The following WWTR1 variants were observed in gnomAD, a reference collection of about 807,000 sequenced individuals.
WWTR1 encodes WW domain-containing transcription regulator protein 1.
WWTR1 carries 13 observed loss-of-function variants against 40.1 expected under a neutral mutation model. The ratio of observed to expected loss-of-function variants is 0.32; its 90% CI spans 0.21 to 0.52. WWTR1 has a LOEUF of 0.52. Among genes scored for constraint, WWTR1 ranks in the 20% least tolerant of loss-of-function variants. The pLI, the probability that WWTR1 is intolerant of heterozygous loss-of-function variation, is 0.97. For missense variants in WWTR1, 436 were observed against 523.1 expected (o/e 0.83, Z 1.63); for synonymous variants, 230 against 210.1 (o/e 1.09, Z -0.82).
At chr3:149,628,652 C>A (rs1057468845) in intron 2 of WWTR1, among the ~76,000 whole-genome samples, 2 of 151,740 alleles carry the variant, frequency 1.3e-5, no homozygotes, top group African/African-American at 4.9e-5. Flanking sequence ...TAGCTCAAGT[C>A]CAGCTCTTTC....
chr3:149,606,775 T>G (rs1270848129), intron 2 of WWTR1, among the ~76,000 whole-genome samples: 1 of 152,098 alleles, frequency 6.6e-6, no homozygotes, highest in Non-Finnish European at 1.5e-5. Flanking sequence ...AGGGAAAGCT[T>G]CCATAAAGAG....
intron 1 of WWTR1, among the ~76,000 whole-genome samples, chr3:149,692,929 A>G (rs571447600): frequency 1.1e-4 from 17 of 152,070 alleles, no homozygotes; most frequent in Non-Finnish European, 1.9e-4. Context: ...GCCACCGTGC[A>G]TGGCTCCACT....
chr3:149,707,739 A>G (rs1195882097), upstream of WWTR1, among the ~76,000 whole-genome samples: 2 of 152,118 alleles, frequency 1.3e-5, no homozygotes, highest in Non-Finnish European at 2.9e-5. Context: ...TCACCCTTTC[A>G]GGAGGCAAAC....
intron 2 of WWTR1, among the ~76,000 whole-genome samples, chr3:149,628,355 C>T (rs1166562141): frequency 6.6e-6 from 1 of 152,206 alleles, no homozygotes; most frequent in African/African-American, 2.4e-5. Context: ...GGCAACAGAG[C>T]GAGACTCCGT....
At chr3:149,679,250 G>A (rs957614600) in intron 1 of WWTR1, among the ~76,000 whole-genome samples, 1 of 152,222 alleles carries the variant, frequency 6.6e-6, no homozygotes, top group Non-Finnish European at 1.5e-5. Flanking sequence ...GGAATACCAA[G>A]TTAAGGAAGA....
intron 1 of WWTR1, among the ~76,000 whole-genome samples, chr3:149,687,559 T>C (rs1044990653): frequency 9.9e-5 from 15 of 152,212 alleles, no homozygotes; most frequent in African/African-American, 3.4e-4. Context: ...ATAACAATCA[T>C]ATGAGAAAGG....
chr3:149,625,266 C>T (rs923512358), intron 2 of WWTR1, among the ~76,000 whole-genome samples: 6 of 151,608 alleles, frequency 4.0e-5, no homozygotes, highest in Admixed American at 6.6e-5. Context: ...GGACTATAGG[C>T]GCCCACCACG....
Position 149,527,979 on chromosome 3 carries a change from G to C in WWTR1, c.772-10C>G. 1.2e-6 allele frequency: 2 copies of C among 1,612,668 alleles called. No homozygotes were observed. The highest frequency in any genetic ancestry group is 1.7e-6 in the Non-Finnish European group (2 of 1,179,324). On this transcript the variant is annotated splice_polypyrimidine_tract_variant and intron_variant, in intron 4 of 6. Transcript: ENST00000360632. ...GACAGAGGGCAGCTTCCTACAGTCA[G>C]AATGGGAAGCAAGAGTCATGCACTC...
chr3:149,649,557 C>T (rs1030013825), intron 2 of WWTR1, among the ~76,000 whole-genome samples: 34 of 152,108 alleles, frequency 2.2e-4, no homozygotes, highest in Admixed American at 9.8e-4. Flanking sequence ...TATGCCTAGA[C>T]GGAACATTAA....
At chr3:149,541,063 AACT>A (rs2107934776) in intron 4 of WWTR1, 1 of 456,448 alleles carries the variant, frequency 2.2e-6, no homozygotes, top group East Asian at 6.9e-5. Context: ...GGAATGTTAA[AACT>A]ACTTATTTCT....
chr3:149,657,068 C>G lies in WWTR1; in HGVS notation c.239G>C (p.Gly80Ala), dbSNP rs1167173581. 5 of 1,570,302 alleles carry G rather than the reference C, an allele frequency of 3.2e-6. No homozygotes were observed. Among genetic ancestry groups the G allele is most frequent in the Non-Finnish European group, 2.6e-6 (3 of 1,162,126 alleles). Residue 80 changes from glycine (G) to alanine (A), a missense_variant, in exon 2 of 7, where the codon GGG becomes GCG. By Grantham distance (60) the Gly-to-Ala change is moderately conservative. Coordinates refer to ENST00000360632, the MANE Select transcript of WWTR1 (RefSeq NM_015472.6). ...SGGHPGPRLA[G>A]GAQHVRSHSS... ...GTGCGAGCGGACATGCTGGGCACCCCCAGCCAGTCGAGGCCCCGGGTGGCC... is the reference window on the plus strand; with the variant it reads ...GTGCGAGCGGACATGCTGGGCACCCGCAGCCAGTCGAGGCCCCGGGTGGCC...
intron 2 of WWTR1, among the ~76,000 whole-genome samples, chr3:149,616,050 G>C (rs895396053): frequency 2.0e-5 from 3 of 152,174 alleles, no homozygotes; most frequent in African/African-American, 7.2e-5. Flanking sequence ...CTCAGTGAGA[G>C]ACATCCCTTC....
chr3:149,587,028 G>A (rs1034322442), intron 2 of WWTR1, among the ~76,000 whole-genome samples: 3 of 152,204 alleles, frequency 2.0e-5, no homozygotes, highest in Non-Finnish European at 4.4e-5. Flanking sequence ...AGTAAGTGAA[G>A]TGTCTCCCTG....
intron 5 of WWTR1, among the ~76,000 whole-genome samples, chr3:149,713,921 C>T (rs1039409572): frequency 6.6e-6 from 1 of 152,186 alleles, no homozygotes; most frequent in Non-Finnish European, 1.5e-5. Flanking sequence ...CTGCTCTGGA[C>T]CCTGGCCCCA....
chr3:149,721,435 C>A (rs1306104014), intron 4 of WWTR1, among the ~76,000 whole-genome samples: 1 of 152,186 alleles, frequency 6.6e-6, no homozygotes, highest in Non-Finnish European at 1.5e-5. Flanking sequence ...ATCATCCTTG[C>A]ATTCCAGGAA....
chr3:149,525,490 G>A (rs1576535608), intron 6 of WWTR1: 1 of 152,000 alleles, frequency 6.6e-6, no homozygotes, highest in East Asian at 1.9e-4. Flanking sequence ...GCGCCCAGAT[G>A]TAAAACTATA....
chr3:149,672,327 T>A (rs1714116191), intron 1 of WWTR1, among the ~76,000 whole-genome samples: 1 of 152,170 alleles, frequency 6.6e-6, no homozygotes, highest in African/African-American at 2.4e-5. Context: ...AGATATTTCA[T>A]GGGACCAGGC....
intron 2 of WWTR1, among the ~76,000 whole-genome samples, chr3:149,624,474 C>T (rs928335175): frequency 5.3e-5 from 8 of 152,212 alleles, no homozygotes; most frequent in African/African-American, 1.9e-4. Flanking sequence ...CTCCATCACA[C>T]AAGCCAGAGA....
At chr3:149,586,605 T>C (rs1216658278) in intron 2 of WWTR1, among the ~76,000 whole-genome samples, 1 of 152,186 alleles carries the variant, frequency 6.6e-6, no homozygotes, top group Non-Finnish European at 1.5e-5. Flanking sequence ...GAGCTTCTAA[T>C]CCCTTGGAAT....
Sources: gnomAD v4.1 joint callset for allele counts (sites outside exome capture counted in the v4.1 genomes callset) on GRCh38, gnomAD v4.1.1 for gene constraint, MANE v1.5 for transcripts, NCBI Gene and HGNC (gene_info 2026-07-23, HGNC 2026-07-21) for gene names.